The following TFCP2L1 variants were observed in gnomAD, a reference collection of about 807,000 sequenced individuals.
TFCP2L1 encodes the protein transcription factor CP2-like protein 1.
In TFCP2L1, 12 loss-of-function variants were observed where a neutral mutation model predicts 72.2. The ratio of observed to expected loss-of-function variants is 0.17; its 90% CI spans 0.11 to 0.27. The LOEUF (loss-of-function observed/expected upper bound fraction) is 0.27. TFCP2L1 is among the 10% of genes least tolerant of loss of function. The pLI, the probability that TFCP2L1 is intolerant of heterozygous loss-of-function variation, is 1.00. For missense variants in TFCP2L1, 488 were observed against 624.6 expected, an observed-to-expected ratio of 0.78 and a Z score of 2.33; for synonymous variants, 260 against 251.0, an observed-to-expected ratio of 1.04 and a Z score of -0.34.
In TFCP2L1 at chr2:121,235,816, AGCTCGCTGGAT is replaced by A. The variant is rs945080129; in HGVS notation, c.1004-516_1004-506del. Among the ~76,000 whole-genome samples, 13 of 151,796 alleles carry A rather than the reference AGCTCGCTGGAT, an allele frequency of 8.6e-5. 1 individual carries two copies. The highest frequency in any genetic ancestry group is 3.1e-4 in the African/African-American group (13 of 41,372). ...CATCTGTCTGTATGTGGAAGTATAC[AGCTCGCTGGAT>A]GCTGACAATCTGAATACACCCCAGG... On this transcript the variant is annotated intron_variant, in intron 10 of 14. Transcript: ENST00000263707.
chr2:121,272,883 G>T (rs998583480), intron 2 of TFCP2L1, among the ~76,000 whole-genome samples: 1 of 152,266 alleles, frequency 6.6e-6, no homozygotes, highest in East Asian at 1.9e-4. Flanking sequence ...GTTGCCAGAT[G>T]GTTTAGCCTC....
intron 13 of TFCP2L1, among the ~76,000 whole-genome samples, chr2:121,230,077 C>T (rs140396133): frequency 1.1e-4 from 17 of 152,300 alleles, no homozygotes; most frequent in Middle Eastern, 6.8e-3. Context: ...CTTCAGAATT[C>T]CCAGAAGGGC....
chr2:121,239,374 G>A lies in TFCP2L1; in HGVS notation c.860+184C>T, dbSNP rs183153129. Reference sequence around the variant, plus strand: ...CTGGGCCGCTGTCCCACCCGACAACGTTTACAGGGGTGTTTCTGAGCACTA... The same window carrying A: ...CTGGGCCGCTGTCCCACCCGACAACATTTACAGGGGTGTTTCTGAGCACTA... On this transcript the variant is annotated intron_variant, in intron 8 of 14. Coordinates refer to ENST00000263707, the MANE Select transcript of TFCP2L1 (RefSeq NM_014553.3). Among the ~76,000 whole-genome samples, 109 of 152,318 alleles carry A rather than the reference G, an allele frequency of 7.2e-4. 1 individual carries two copies. The highest frequency in any genetic ancestry group is 2.1e-3 in the Admixed American group (32 of 15,308).
At chr2:121,253,636 G>A (rs1320316345) in intron 2 of TFCP2L1, among the ~76,000 whole-genome samples, 2 of 152,134 alleles carry the variant, frequency 1.3e-5, no homozygotes, top group African/African-American at 4.8e-5. Flanking sequence ...CTCAGCTCAC[G>A]CCAAACAGCA....
intron 2 of TFCP2L1, among the ~76,000 whole-genome samples, chr2:121,256,309 G>A (rs974500614): frequency 6.6e-6 from 1 of 152,168 alleles, no homozygotes; most frequent in African/African-American, 2.4e-5. Flanking sequence ...TGTGGTTTTG[G>A]CACGGGGAGA....
At chr2:121,247,967 C>T (rs1463457047) in intron 5 of TFCP2L1, among the ~76,000 whole-genome samples, 197 bp downstream of exon 5, 1 of 152,228 alleles carries the variant, frequency 6.6e-6, no homozygotes, top group Non-Finnish European at 1.5e-5. Flanking sequence ...ACCCTCCCCA[C>T]TCCTTTCCCT....
chr2:121,235,574 CTTTTTTT>C (rs34634906), intron 10 of TFCP2L1, among the ~76,000 whole-genome samples: 20 of 119,844 alleles, frequency 1.7e-4, no homozygotes, highest in Admixed American at 1.8e-4. Flanking sequence ...TTCTTTCTTT[CTTTTTTT>C]TTTTTTTTTT....
chr2:121,272,449 G>C (rs887961533), intron 2 of TFCP2L1, among the ~76,000 whole-genome samples: 1 of 152,140 alleles, frequency 6.6e-6, no homozygotes, highest in African/African-American at 2.4e-5. Flanking sequence ...CCTTGCATAG[G>C]AAATTCTCCG....
chr2:121,282,505 AC>A (rs1180256577), intron 1 of TFCP2L1, among the ~76,000 whole-genome samples: 2 of 149,456 alleles, frequency 1.3e-5, no homozygotes, highest in African/African-American at 4.9e-5. Flanking sequence ...CCATAGTGAG[AC>A]CCCACCATCT....
intron 7 of TFCP2L1, chr2:121,240,047 G>A (rs1264701689): frequency 8.1e-6 from 8 of 985,208 alleles, no homozygotes; most frequent in Non-Finnish European, 9.6e-6. Flanking sequence ...GGGAGTACTG[G>A]ACCACAGGCA....
At chr2:121,275,629 G>A (rs1687132554) in intron 2 of TFCP2L1, among the ~76,000 whole-genome samples, 1 of 144,010 alleles carries the variant, frequency 6.9e-6, no homozygotes, top group Non-Finnish European at 1.5e-5. Flanking sequence ...AGAGTGCAGT[G>A]GCTCAATCTT....
intron 3 of TFCP2L1, among the ~76,000 whole-genome samples, 178 bp downstream of exon 3, chr2:121,249,393 C>G (rs1055497541): frequency 3.3e-5 from 5 of 152,190 alleles, no homozygotes; most frequent in Non-Finnish European, 5.9e-5. Flanking sequence ...TAATCCCCAC[C>G]TGGGCAACAG....
intron 2 of TFCP2L1, among the ~76,000 whole-genome samples, chr2:121,263,438 T>C (rs1225339698): frequency 1.3e-5 from 1 of 79,610 alleles, no homozygotes; most frequent in Non-Finnish European, 2.4e-5. Context: ...GAAAGAAAAA[T>C]GAGCAATGGA....
rs186160224 is a variant in TFCP2L1, at chr2:121,216,822, A to G, written c.*7519T>C. ...CAGATACTCCCACCACCTTTAGAAA[A>G]GAGTCACCCAATCTGGAGAAAGGTG... On this transcript the variant is annotated 3_prime_UTR_variant, in exon 15 of 15. Coordinates refer to ENST00000263707, the MANE Select transcript of TFCP2L1 (RefSeq NM_014553.3). 6.6e-6 allele frequency: 1 copy of G among 152,392 alleles called. No individual in the cohort carries two copies. The highest frequency in any genetic ancestry group is 1.9e-4 in the East Asian group (1 of 5,186). The allele number at this position is 152,392 out of a possible 1,614,324, so 9.4% of individuals were successfully genotyped here.
chr2:121,250,918 C>A (rs1686598815), intron 2 of TFCP2L1, among the ~76,000 whole-genome samples: 1 of 148,624 alleles, frequency 6.7e-6, no homozygotes, highest in Non-Finnish European at 1.5e-5. Context: ...ATTGGTATAT[C>A]TAATTAGCTT....
Position 121,271,117 on chromosome 2 carries a change from G to A in TFCP2L1, c.214+10003C>T, listed in dbSNP as rs12623351. ...AGGCAGGAGAATCGCTTGAACCTGG[G>A]AGGAAAAGATTGCAGTGAGCCGAGA... is the stretch of plus-strand genomic sequence containing the variant. On this transcript the variant is annotated intron_variant, in intron 2 of 14. Coordinates refer to ENST00000263707, the MANE Select transcript of TFCP2L1 (RefSeq NM_014553.3). 0.02 allele frequency among the ~76,000 whole-genome samples: 3,100 copies of A among 151,392 alleles called. 236 individuals carry two copies. The East Asian group carries it at 0.28, about 14-fold the overall frequency.
At position 121,220,273 on chromosome 2, in the gene TFCP2L1, T is replaced by C. The variant is rs1685906675; in HGVS notation, c.*4068A>G. On this transcript the variant is annotated 3_prime_UTR_variant, in exon 15 of 15. Coordinates refer to ENST00000263707, the MANE Select transcript of TFCP2L1 (RefSeq NM_014553.3). ...CTGGGCTGTCTGGGCAAGAGGTCACTAGGGCAACACCTGACCTTTGTTTAG... is the reference window on the plus strand; with the variant it reads ...CTGGGCTGTCTGGGCAAGAGGTCACCAGGGCAACACCTGACCTTTGTTTAG... The C allele has an allele frequency of 6.6e-6, 1 of 152,208 alleles. No individual in the cohort carries two copies. Among genetic ancestry groups the C allele is most frequent in the Non-Finnish European group, 1.5e-5 (1 of 68,104 alleles). The allele number at this position is 152,208 out of a possible 1,614,324, so 9.4% of individuals were successfully genotyped here. A position where few individuals can be genotyped will look rare whatever the true frequency, so the allele number is the denominator to read the frequency against.
intron 6 of TFCP2L1, among the ~76,000 whole-genome samples, chr2:121,242,711 T>G (rs1217976919): frequency 6.6e-6 from 1 of 152,122 alleles, no homozygotes; most frequent in African/African-American, 2.4e-5. Flanking sequence ...GGCCACTCGC[T>G]TATGAAAAGG....
At chr2:121,258,804 C>T (rs1558740066) in intron 2 of TFCP2L1, among the ~76,000 whole-genome samples, 2 of 152,134 alleles carry the variant, frequency 1.3e-5, no homozygotes, top group Non-Finnish European at 1.5e-5. Flanking sequence ...TGCTACGGGA[C>T]ATCAGAACAA....
Sources: allele counts gnomAD v4.1 joint callset (sites outside exome capture counted in the v4.1 genomes callset), GRCh38; gene constraint gnomAD v4.1.1; transcripts MANE v1.5; gene names NCBI Gene and HGNC (gene_info 2026-07-23, HGNC 2026-07-21).